CNTNAP5: variants seen among roughly 807,000 people sequenced by gnomAD.
The protein encoded by CNTNAP5 is contactin associated protein family member 5.
Under a neutral mutation model 150.2 loss-of-function variants are expected in CNTNAP5, and 72 were observed. The ratio of observed to expected loss-of-function variants is 0.48; its 90% CI spans 0.40 to 0.58. The LOEUF (loss-of-function observed/expected upper bound fraction) is 0.58. Ranked by LOEUF, CNTNAP5 falls within the 20% of genes least tolerant of loss-of-function variation. The pLI, the probability that CNTNAP5 is intolerant of heterozygous loss-of-function variation, is 0.00. For missense variants in CNTNAP5, 1,636 were observed against 1,626.2 expected, an observed-to-expected ratio of 1.01 and a Z score of -0.10; for synonymous variants, 672 against 619.8, an observed-to-expected ratio of 1.08 and a Z score of -1.25.
At chr2:124,721,514 T>TAAATA (rs1553435294) in intron 13 of CNTNAP5, among the ~76,000 whole-genome samples, 25 of 148,746 alleles carry the variant, frequency 1.7e-4, no homozygotes, top group African/African-American at 6.3e-4. Flanking sequence ...AATAAATACA[T>TAAATA]AAATAAATAT....
At chr2:124,840,866 G>C (rs1027805182) in intron 19 of CNTNAP5, among the ~76,000 whole-genome samples, 3 of 152,080 alleles carry the variant, frequency 2.0e-5, no homozygotes, top group African/African-American at 7.2e-5. Context: ...AGGCTGCATG[G>C]GGCTGACAGA....
intron 3 of CNTNAP5, among the ~76,000 whole-genome samples, chr2:124,375,331 T>C (rs913668732): frequency 6.6e-6 from 1 of 152,098 alleles, no homozygotes; most frequent in South Asian, 2.1e-4. Flanking sequence ...ACATCACCAA[T>C]GAAAAAGCAT....
At chr2:124,677,179 T>C (rs1678960846) in intron 13 of CNTNAP5, among the ~76,000 whole-genome samples, 1 of 152,164 alleles carries the variant, frequency 6.6e-6, no homozygotes, top group Non-Finnish European at 1.5e-5. Context: ...ACGGTCTCAC[T>C]GACTTCAGGA....
chr2:124,178,952 T>A (rs1685136166), intron 1 of CNTNAP5, among the ~76,000 whole-genome samples: 1 of 150,156 alleles, frequency 6.7e-6, no homozygotes, highest in Non-Finnish European at 1.5e-5. Context: ...ATTTATTTAT[T>A]TATTTTGTGT....
At chr2:124,034,284 A>T (rs1026462202) in intron 1 of CNTNAP5, among the ~76,000 whole-genome samples, 1 of 152,216 alleles carries the variant, frequency 6.6e-6, no homozygotes, top group Non-Finnish European at 1.5e-5. Context: ...ACCTGTTATA[A>T]TTATTAATGA....
chr2:124,296,010 G>GAA (rs1688420986), intron 3 of CNTNAP5, among the ~76,000 whole-genome samples: 1 of 152,162 alleles, frequency 6.6e-6, no homozygotes, highest in Admixed American at 6.5e-5. Flanking sequence ...ATTCAATGAA[G>GAA]AAAGTCCTAA....
chr2:124,878,350 T>C (rs772865912), intron 21 of CNTNAP5, among the ~76,000 whole-genome samples: 2 of 152,108 alleles, frequency 1.3e-5, no homozygotes, highest in African/African-American at 2.4e-5. Context: ...AACACAGGTA[T>C]ATGTTATTAT....
chr2:124,286,531 G>A (rs1688156313), intron 3 of CNTNAP5, among the ~76,000 whole-genome samples: 1 of 152,156 alleles, frequency 6.6e-6, no homozygotes, highest in South Asian at 2.1e-4. Flanking sequence ...AATTGTTTTA[G>A]AGCAGTGGCC....
intron 7 of CNTNAP5, among the ~76,000 whole-genome samples, chr2:124,494,619 T>G (rs767694660): frequency 6.6e-6 from 1 of 152,222 alleles, no homozygotes; most frequent in Non-Finnish European, 1.5e-5. Context: ...CACACCTTAC[T>G]GTTATAATGA....
intron 1 of CNTNAP5, among the ~76,000 whole-genome samples, chr2:124,173,459 C>T (rs1163665213): frequency 6.6e-6 from 1 of 152,198 alleles, no homozygotes; most frequent in Non-Finnish European, 1.5e-5. Flanking sequence ...AAAGTGCTAC[C>T]TCAGTGAGCC....
chr2:124,090,335 T>A (rs911356200), intron 1 of CNTNAP5, among the ~76,000 whole-genome samples: 1 of 152,148 alleles, frequency 6.6e-6, no homozygotes, highest in African/African-American at 2.4e-5. Flanking sequence ...TTAATAAAAA[T>A]AGGAATAAAT....
intron 19 of CNTNAP5, among the ~76,000 whole-genome samples, chr2:124,848,598 C>T (rs886911820): frequency 3.3e-5 from 5 of 152,058 alleles, no homozygotes; most frequent in African/African-American, 1.2e-4. Flanking sequence ...AAGTGCCATA[C>T]CAGTATATGT....
chr2:124,349,405 C>T (rs547501099), intron 3 of CNTNAP5, among the ~76,000 whole-genome samples: 5 of 152,278 alleles, frequency 3.3e-5, no homozygotes, highest in East Asian at 1.9e-4. Context: ...TGGACCAAAA[C>T]GTCATTATGT....
chr2:124,610,945 A>G (rs1307480120), intron 12 of CNTNAP5, among the ~76,000 whole-genome samples: 1 of 83,334 alleles, frequency 1.2e-5, no homozygotes, highest in Non-Finnish European at 2.7e-5. Flanking sequence ...ACAGGGCGAG[A>G]CACCGTCTCA....
chr2:124,502,507 C>G (rs12474973), intron 7 of CNTNAP5, among the ~76,000 whole-genome samples: 2 of 152,312 alleles, frequency 1.3e-5, no homozygotes, highest in East Asian at 3.9e-4. Flanking sequence ...CATTCCCACT[C>G]TACACAACCT....
intron 7 of CNTNAP5, among the ~76,000 whole-genome samples, chr2:124,486,275 A>G (rs939270205): frequency 2.0e-5 from 3 of 152,156 alleles, no homozygotes; most frequent in African/African-American, 7.2e-5. Flanking sequence ...GTATAATCAT[A>G]ATAAAACGGA....
At chr2:124,297,817 TTA>T (rs1688477027) in intron 3 of CNTNAP5, among the ~76,000 whole-genome samples, 6 of 28,936 alleles carry the variant, frequency 2.1e-4, no homozygotes, top group African/African-American at 6.6e-4. Context: ...TTATTTATTA[TTA>T]TTATTATTAT....
chr2:124,404,997 C>A (rs1200387600), intron 3 of CNTNAP5, among the ~76,000 whole-genome samples: 1 of 139,546 alleles, frequency 7.2e-6, no homozygotes, highest in African/African-American at 2.7e-5. Context: ...TTTAAAAGGT[C>A]TATGGATAAA....
intron 13 of CNTNAP5, among the ~76,000 whole-genome samples, chr2:124,733,777 G>A (rs1680324275): frequency 6.6e-6 from 1 of 152,174 alleles, no homozygotes; most frequent in South Asian, 2.1e-4. Flanking sequence ...TTGAGTGCAT[G>A]TGTGCAGAGT....
Sources: allele counts gnomAD v4.1 joint callset (sites outside exome capture counted in the v4.1 genomes callset), GRCh38; gene constraint gnomAD v4.1.1; transcripts MANE v1.5; gene names NCBI Gene and HGNC (gene_info 2026-07-23, HGNC 2026-07-21).